Variants in MALRD1 observed in about 807,000 individuals in gnomAD.
The protein encoded by MALRD1 is MAM and LDL-receptor class A domain-containing protein 1.
In MALRD1, 247 loss-of-function variants were observed where a neutral mutation model predicts 242.1. The ratio of observed to expected loss-of-function variants is 1.02; its 90% CI spans 0.92 to 1.13. The LOEUF (loss-of-function observed/expected upper bound fraction) is 1.13, where lower values mean the gene tolerates loss of function less well. MALRD1 is among the 50% of genes most tolerant of loss of function. The probability of loss-of-function intolerance (pLI) is 0.00; values close to 1 mark genes in which losing one functional copy is unlikely to be tolerated. For missense variants in MALRD1, 2,989 were observed against 2,533.1 expected (o/e 1.18, Z -3.86); for synonymous variants, 995 against 866.6 (o/e 1.15, Z -2.60).
chr10:19,494,641 G>A (rs534396381), intron 30 of MALRD1, among the ~76,000 whole-genome samples: 52 of 152,190 alleles, frequency 3.4e-4, no homozygotes, highest in African/African-American at 1.2e-3. Flanking sequence ...GTAATAGCAA[G>A]TATTAGCACC....
Position 19,455,216 on chromosome 10 carries a change from G to A in MALRD1, c.5029+4726G>A, listed in dbSNP as rs560980833. 6.6e-5 allele frequency among the ~76,000 whole-genome samples: 10 copies of A among 152,262 alleles called. No individual in the cohort carries two copies. The South Asian group carries it at 2.1e-3, about 32-fold the overall frequency. On this transcript the variant is annotated intron_variant, in intron 29 of 39. Transcript: ENST00000454679. ...TATAAAATGTAGCAACCATTCCACA[G>A]AACAAAGAAGTAGGAAGACAATTCA...
At chr10:19,485,132 GGAGTGGCATACA>G (rs998667235) in intron 29 of MALRD1, among the ~76,000 whole-genome samples, 1 of 152,138 alleles carries the variant, frequency 6.6e-6, no homozygotes, top group Non-Finnish European at 1.5e-5. Flanking sequence ...ATGGATATAT[GGAGTGGCATACA>G]GAGTGGCATA....
intron 20 of MALRD1, among the ~76,000 whole-genome samples, chr10:19,280,611 T>C (rs2131879552): frequency 6.6e-6 from 1 of 152,310 alleles, no homozygotes; most frequent in African/African-American, 2.4e-5. Context: ...AATTTTGCCA[T>C]TGCCAAAATG....
intron 5 of MALRD1, among the ~76,000 whole-genome samples, chr10:19,106,498 C>T (rs1327334207): frequency 2.0e-5 from 3 of 151,644 alleles, no homozygotes; most frequent in Non-Finnish European, 4.4e-5. Flanking sequence ...CCATTTTCAT[C>T]TCTCATTTTA....
intron 8 of MALRD1, among the ~76,000 whole-genome samples, chr10:19,133,107 T>G (rs548898954): frequency 6.6e-6 from 1 of 152,132 alleles, no homozygotes; most frequent in African/African-American, 2.4e-5. Flanking sequence ...CCTGGCTAAT[T>G]TTTGTATTTT....
At chr10:19,501,865 C>G (rs1252920414) in intron 31 of MALRD1, among the ~76,000 whole-genome samples, 1 of 151,350 alleles carries the variant, frequency 6.6e-6, no homozygotes, top group Non-Finnish European at 1.5e-5. Flanking sequence ...AACCCCATCT[C>G]TACAAAAAAT....
intron 14 of MALRD1, among the ~76,000 whole-genome samples, chr10:19,182,629 C>T (rs1835561654): frequency 6.6e-6 from 1 of 151,968 alleles, no homozygotes; most frequent in African/African-American, 2.4e-5. Flanking sequence ...TGCACCCGGC[C>T]CAAAACCTAC....
chr10:19,719,223 C>CATACATATATATAT lies in MALRD1; in HGVS notation c.6315-11480_6315-11479insCATATATATATATA, dbSNP rs1176551831. On this transcript the variant is annotated intron_variant, in intron 38 of 39. Transcript: ENST00000454679. The stretch of plus-strand genomic sequence containing the variant: ...ATATATATATATATACACATACATA[C>CATACATATATATAT]ATATATATATATATATATATATATA... Among the ~76,000 whole-genome samples the CATACATATATATAT allele has an allele frequency of 1.7e-4, 13 of 76,432 alleles. 1 individual carries two copies. Among genetic ancestry groups the CATACATATATATAT allele is most frequent in the African/African-American group, 6.4e-4 (11 of 17,164 alleles). The allele number at this position is 76,432 out of a possible 152,430, so 50.1% of individuals were successfully genotyped here.
chr10:19,405,279 CAAG>C (rs1225007136), intron 28 of MALRD1, among the ~76,000 whole-genome samples: 1 of 152,114 alleles, frequency 6.6e-6, no homozygotes, highest in African/African-American at 2.4e-5. Context: ...TTATGTTCAA[CAAG>C]AAGGGTCACC....
In MALRD1 at chr10:19,244,393, C is replaced by T. The variant is rs189171951; in HGVS notation, c.2992-13291C>T. On this transcript the variant is annotated intron_variant, in intron 18 of 39. Transcript: ENST00000454679. Reference sequence around the variant, plus strand: ...TTTGAGACCTGCCTGGGAAAGATGACAAACCCCATTTGTACAAAAATAAAA... The same window carrying T: ...TTTGAGACCTGCCTGGGAAAGATGATAAACCCCATTTGTACAAAAATAAAA... Among the ~76,000 whole-genome samples, 331 of 152,084 alleles carry T rather than the reference C, an allele frequency of 2.2e-3. 2 individuals are homozygous for T. Among genetic ancestry groups the T allele is most frequent in the African/African-American group, 7.8e-3 (323 of 41,504 alleles).
rs1011890675 is a variant in MALRD1, at chr10:19,454,431, T to TATATATATATATATATATATATAA, written c.5029+3942_5029+3943insTATATATATATATATATATATAAA. Among the ~76,000 whole-genome samples the TATATATATATATATATATATATAA allele has an allele frequency of 3.4e-3, 459 of 136,540 alleles. 14 individuals are homozygous for TATATATATATATATATATATATAA. Among genetic ancestry groups the TATATATATATATATATATATATAA allele is most frequent in the Non-Finnish European group, 5.2e-3 (327 of 63,472 alleles). The allele number at this position is 136,540 out of a possible 152,430, so 89.6% of individuals were successfully genotyped here. A position where few individuals can be genotyped will look rare whatever the true frequency, so the allele number is the denominator to read the frequency against. ...ATATATATATATATATATATATATA[T>TATATATATATATATATATATATAA]AATTATATGATACATACATATAAAT... On this transcript the variant is annotated intron_variant, in intron 29 of 39. Transcript: ENST00000454679.
chr10:19,588,516 G>C (rs373763680), intron 33 of MALRD1, among the ~76,000 whole-genome samples: 1 of 152,318 alleles, frequency 6.6e-6, no homozygotes, highest in South Asian at 2.1e-4. Flanking sequence ...CTGTTGTAGT[G>C]ATGCAATTAC....
intron 4 of MALRD1, among the ~76,000 whole-genome samples, chr10:19,102,125 T>C (rs898255073): frequency 1.2e-4 from 17 of 146,466 alleles, no homozygotes; most frequent in African/African-American, 3.7e-4. Flanking sequence ...ATATAAATTA[T>C]ATAATATATA....
At chr10:19,237,347 A>AT (rs57209636) in intron 18 of MALRD1, among the ~76,000 whole-genome samples, 34 of 144,790 alleles carry the variant, frequency 2.3e-4, no homozygotes, top group Non-Finnish European at 3.2e-4. Flanking sequence ...CTCTATTAAC[A>AT]TTTTTTTTTT....
At chr10:19,179,928 T>G (rs1835429540) in intron 14 of MALRD1, among the ~76,000 whole-genome samples, 1 of 152,146 alleles carries the variant, frequency 6.6e-6, no homozygotes, top group Non-Finnish European at 1.5e-5. Flanking sequence ...CTTTCTGCTT[T>G]CTACTTAAAT....
chr10:19,690,031 T>C (rs1842753303), intron 36 of MALRD1, among the ~76,000 whole-genome samples: 1 of 152,032 alleles, frequency 6.6e-6, no homozygotes, highest in Non-Finnish European at 1.5e-5. Flanking sequence ...AATCATTTTG[T>C]TTCAAGATGG....
At chr10:19,221,664 A>G (rs2131666140) in intron 18 of MALRD1, among the ~76,000 whole-genome samples, 1 of 152,264 alleles carries the variant, frequency 6.6e-6, no homozygotes, top group African/African-American at 2.4e-5. Flanking sequence ...AACACATCAG[A>G]TGTCTTGATA....
chr10:19,166,585 C>G (rs1304733232), intron 13 of MALRD1, among the ~76,000 whole-genome samples: 1 of 152,074 alleles, frequency 6.6e-6, no homozygotes, highest in Non-Finnish European at 1.5e-5. Flanking sequence ...TTGGAGTGTT[C>G]CCAACACAAA....
chr10:19,671,288 G>C (rs1237322406), intron 36 of MALRD1, among the ~76,000 whole-genome samples: 1 of 152,074 alleles, frequency 6.6e-6, no homozygotes, highest in African/African-American at 2.4e-5. Flanking sequence ...CAATCTGTGT[G>C]TATGTTACAT....
Sources: gnomAD v4.1 joint callset for allele counts (sites outside exome capture counted in the v4.1 genomes callset) on GRCh38, gnomAD v4.1.1 for gene constraint, MANE v1.5 for transcripts, NCBI Gene and HGNC (gene_info 2026-07-23, HGNC 2026-07-21) for gene names.